The following TNIK variants were observed in gnomAD, a reference collection of about 807,000 sequenced individuals.
TNIK encodes the protein TRAF2 and NCK-interacting protein kinase.
TNIK carries 49 observed loss-of-function variants against 191.3 expected under a neutral mutation model. The observed-to-expected ratio is 0.26, with a 90% CI of 0.20 to 0.32. The LOEUF (loss-of-function observed/expected upper bound fraction) is 0.32. TNIK is among the 10% of genes least tolerant of loss of function. TNIK has a pLI of 1.00. For synonymous variants in TNIK, 594 were observed against 600.9 expected (o/e 0.99, Z 0.17); for missense variants, 1,155 against 1,702.3 (o/e 0.68, Z 5.66).
chr3:171,132,437 T>C (rs1344663870), intron 15 of TNIK, among the ~76,000 whole-genome samples: 1 of 152,206 alleles, frequency 6.6e-6, no homozygotes, highest in Non-Finnish European at 1.5e-5. Flanking sequence ...AAAATTCTGC[T>C]CTAGACAGGT....
chr3:171,293,818 A>G (rs1171230305), intron 2 of TNIK, among the ~76,000 whole-genome samples: 2 of 152,168 alleles, frequency 1.3e-5, no homozygotes, highest in Non-Finnish European at 2.9e-5. Flanking sequence ...AGTGGCTCAC[A>G]CCTGTAATCC....
intron 12 of TNIK, among the ~76,000 whole-genome samples, chr3:171,156,743 C>T (rs1354685317): frequency 6.6e-6 from 1 of 152,216 alleles, no homozygotes; most frequent in Non-Finnish European, 1.5e-5. Context: ...GCAGTATCTG[C>T]TGCTAAAGGC....
intron 2 of TNIK, among the ~76,000 whole-genome samples, chr3:171,258,792 G>T (rs971081843): frequency 1.2e-4 from 19 of 152,098 alleles, no homozygotes; most frequent in African/African-American, 3.9e-4. Context: ...TGGAAGTGGG[G>T]TTTATCCTAT....
intron 1 of TNIK, among the ~76,000 whole-genome samples, chr3:171,440,961 C>G (rs1454166232): frequency 6.6e-6 from 1 of 152,118 alleles, no homozygotes; most frequent in African/African-American, 2.4e-5. Context: ...TTTGAGCTAC[C>G]TTATCTTGAA....
intron 2 of TNIK, among the ~76,000 whole-genome samples, chr3:171,265,507 A>C (rs892669106): frequency 1.3e-5 from 2 of 152,230 alleles, no homozygotes; most frequent in African/African-American, 4.8e-5. Context: ...GACCTGCATT[A>C]ATTTGGGCAG....
At chr3:171,311,997 G>A (rs933876858) in intron 2 of TNIK, among the ~76,000 whole-genome samples, 4 of 151,074 alleles carry the variant, frequency 2.6e-5, no homozygotes, top group African/African-American at 9.7e-5. Context: ...GGGCGGGTGC[G>A]CCTGCCCACC....
In TNIK at chr3:171,126,253, C is replaced by CA. The variant is rs1160561402; in HGVS notation, c.1774-103dup. The CA allele has an allele frequency of 2.9e-6, 4 of 1,374,400 alleles. No individual in the cohort carries two copies. In the African/African-American group the frequency reaches 4.4e-5, roughly 15 times the overall value. The allele number at this position is 1,374,400 out of a possible 1,614,324, so 85.1% of individuals were successfully genotyped here. On this transcript the variant is annotated intron_variant, in intron 16 of 32. Coordinates refer to ENST00000436636, the MANE Select transcript of TNIK (RefSeq NM_015028.4). ...AAAAAAAAAAAAAAGTTCAAGGGCA[C>CA]AAAAATTGGACTATAGAGAGTCTAT... is the stretch of plus-strand genomic sequence containing the variant.
chr3:171,289,647 A>AT (rs1751451238), intron 2 of TNIK, among the ~76,000 whole-genome samples: 1 of 152,228 alleles, frequency 6.6e-6, no homozygotes, highest in Non-Finnish European at 1.5e-5. Flanking sequence ...CTCATGCCTA[A>AT]TCCCAGCACT....
chr3:171,405,396 A>G (rs189055863), intron 1 of TNIK, among the ~76,000 whole-genome samples: 1 of 152,324 alleles, frequency 6.6e-6, no homozygotes, highest in Admixed American at 6.5e-5. Context: ...CCTCTATCAA[A>G]CTAAATAATA....
chr3:171,152,210 G>A (rs1376636058), intron 12 of TNIK, among the ~76,000 whole-genome samples: 2 of 152,060 alleles, frequency 1.3e-5, no homozygotes, highest in Non-Finnish European at 2.9e-5. Context: ...GAATCTGGGA[G>A]GCAGAGGTTG....
Position 171,093,894 on chromosome 3 carries a change from T to C in TNIK, c.2666A>G (p.His889Arg), listed in dbSNP as rs1722381391. ...MVGTHGLETS[H>R]ADSFSGSISR... The stretch of plus-strand genomic sequence containing the variant: ...AATACTGCCGCTGAAACTGTCCGCA[T>C]GAGAGGTCTCCAGCCCATGCGTCCC... Residue 889 changes from histidine (H) to arginine (R), a missense_variant, in exon 23 of 33, where the codon CAT becomes CGT. Around this residue, in one of 3 missense-constraint regions of TNIK, gnomAD observed 735 missense variants for 848.0 expected, o/e 0.87. Transcript: ENST00000436636. The C allele has an allele frequency of 6.2e-7, 1 of 1,613,984 alleles. No individual in the cohort carries two copies. Among genetic ancestry groups the C allele is most frequent in the Non-Finnish European group, 8.5e-7 (1 of 1,179,854 alleles).
intron 12 of TNIK, among the ~76,000 whole-genome samples, chr3:171,148,148 A>C (rs981430059): frequency 6.6e-6 from 1 of 152,170 alleles, no homozygotes; most frequent in Non-Finnish European, 1.5e-5. Flanking sequence ...TTTCCTGAAA[A>C]ATTAACTGCC....
intron 23 of TNIK, among the ~76,000 whole-genome samples, chr3:171,088,140 T>C (rs1027137756): frequency 6.6e-6 from 1 of 152,220 alleles, no homozygotes; most frequent in African/African-American, 2.4e-5. Context: ...TAAATAACTA[T>C]GGTGCTTTGT....
At chr3:171,313,513 G>A (rs1391090992) in intron 2 of TNIK, among the ~76,000 whole-genome samples, 3 of 152,072 alleles carry the variant, frequency 2.0e-5, no homozygotes, top group Admixed American at 6.6e-5. Flanking sequence ...TTTGTCATTA[G>A]ACAGTTGTTA....
At chr3:171,296,369 C>T (rs1001964865) in intron 2 of TNIK, among the ~76,000 whole-genome samples, 1 of 152,156 alleles carries the variant, frequency 6.6e-6, no homozygotes, top group African/African-American at 2.4e-5. Flanking sequence ...CTACCCTTCC[C>T]CCCAACACAC....
At chr3:171,097,936 AAAG>A (rs1722948898) in intron 22 of TNIK, among the ~76,000 whole-genome samples, 1 of 152,204 alleles carries the variant, frequency 6.6e-6, no homozygotes, top group Non-Finnish European at 1.5e-5. Context: ...GCAACAAAAT[AAAG>A]ATTATATCCA....
intron 18 of TNIK, among the ~76,000 whole-genome samples, chr3:171,118,041 C>T (rs190620292): frequency 6.6e-6 from 1 of 152,244 alleles, no homozygotes; most frequent in African/African-American, 2.4e-5. Flanking sequence ...ATCTAGAAAG[C>T]CCCATCGTCT....
chr3:171,266,890 A>G (rs1256317111), intron 2 of TNIK, among the ~76,000 whole-genome samples: 1 of 152,158 alleles, frequency 6.6e-6, no homozygotes, highest in East Asian at 1.9e-4. Flanking sequence ...GACTATTTTC[A>G]CTCAGAGTCT....
chr3:171,108,185 C>A, intron 19 of TNIK, 23 bp from the exon 20 acceptor site: 1 of 1,507,616 alleles, frequency 6.6e-7, no homozygotes, highest in Non-Finnish European at 8.9e-7. Context: ...AACAGAGGAC[C>A]AAGAAAGAGA....
Sources: gnomAD v4.1 joint callset for allele counts (sites outside exome capture counted in the v4.1 genomes callset) on GRCh38, gnomAD v4.1.1 for gene constraint, gnomAD v4.1.1 regional missense constraint, MANE v1.5 for transcripts, NCBI Gene and HGNC (gene_info 2026-07-23, HGNC 2026-07-21) for gene names.